Variants in EIF2AK2 observed in about 807,000 individuals in gnomAD.
EIF2AK2 encodes the protein interferon-induced, double-stranded RNA-activated protein kinase.
A neutral mutation model predicts 70.5 loss-of-function variants in EIF2AK2; 40 were observed. That is an observed-to-expected ratio of 0.57 (90% confidence interval 0.44 to 0.74). The LOEUF (loss-of-function observed/expected upper bound fraction) is 0.74, where lower values mean the gene tolerates loss of function less well. Ranked by LOEUF, EIF2AK2 falls within the 30% of genes least tolerant of loss-of-function variation. The pLI, the probability that EIF2AK2 is intolerant of heterozygous loss-of-function variation, is 0.00. For missense variants in EIF2AK2, 555 were observed against 644.3 expected (o/e 0.86, Z 1.50); for synonymous variants, 198 against 220.9 (o/e 0.90, Z 0.92).
intron 4 of EIF2AK2, among the ~76,000 whole-genome samples, chr2:37,143,222 C>CAA (rs34947987): frequency 5.3e-5 from 6 of 112,208 alleles, no homozygotes; most frequent in African/African-American, 2.0e-4. Flanking sequence ...GACTCTGTCT[C>CAA]AAAAAAAAAA....
chr2:37,136,716 T>C (rs1675139216), intron 9 of EIF2AK2: 1 of 242,688 alleles, frequency 4.1e-6, no homozygotes. Context: ...AACAGCCCAA[T>C]TCCTTGCCAG....
chr2:37,155,793 T>G (rs951167034), intron 1 of EIF2AK2, among the ~76,000 whole-genome samples: 1 of 151,840 alleles, frequency 6.6e-6, no homozygotes, highest in Non-Finnish European at 1.5e-5. Context: ...ATAAAAAAAT[T>G]AGTTGGCTGT....
rs201771358 is a variant in EIF2AK2, at chr2:37,122,552, G to C, written c.1021C>G (p.Leu341Val). 1.2e-6 allele frequency: 2 copies of C among 1,613,982 alleles called. No individual in the cohort carries two copies. Reference protein sequence around the residue: ...DYDPETSDDSLESSDYDPENS... With the variant: ...DYDPETSDDSVESSDYDPENS... ...TCAGGATCATAATCACTGCTCTCAA[G>C]AGAATCATCACTGGTCTCAGGATCA... Residue 341 changes from leucine to valine, a missense_variant, in exon 12 of 17, where the codon CTT becomes GTT. Leu to Val is a conservative substitution (Grantham distance 32, BLOSUM62 1). This residue lies in a region of EIF2AK2 where 299 missense variants were observed against 375.4 expected (regional missense o/e 0.80). Transcript: ENST00000233057.
Position 37,107,168 on chromosome 2 carries a change from G to A in EIF2AK2, c.*105C>T, listed in dbSNP as rs1347929328. 9 of 1,319,822 alleles carry A rather than the reference G, an allele frequency of 6.8e-6. No homozygotes were observed. The South Asian group carries it at 1.5e-4, about 22-fold the overall frequency. The allele number at this position is 1,319,822 out of a possible 1,614,324, so 81.8% of individuals were successfully genotyped here. A position where few individuals can be genotyped will look rare whatever the true frequency, so the allele number is the denominator to read the frequency against. On this transcript the variant is annotated 3_prime_UTR_variant, in exon 17 of 17. Coordinates refer to ENST00000233057, the MANE Select transcript of EIF2AK2 (RefSeq NM_001135651.3). ...TAGTAAAAATAGTAAAAAATTAAAG[G>A]AAACATTAAAATAAAAGGTAAATAT...
intron 1 of EIF2AK2, among the ~76,000 whole-genome samples, chr2:37,149,916 C>G (rs571787456): frequency 1.3e-5 from 2 of 151,976 alleles, no homozygotes; most frequent in Admixed American, 6.6e-5. Flanking sequence ...AGTGAACAAT[C>G]GAAAGAACTG....
At chr2:37,143,064 T>C (rs1253996695) in intron 4 of EIF2AK2, among the ~76,000 whole-genome samples, 1 of 151,988 alleles carries the variant, frequency 6.6e-6, no homozygotes, top group Non-Finnish European at 1.5e-5. Context: ...CTGTCTCTAC[T>C]AAAAATATCA....
rs758051607 is a variant in EIF2AK2, at chr2:37,107,387, A to G, written c.1542T>C (p.Leu514=). 8.1e-5 allele frequency: 131 copies of G among 1,613,522 alleles called. No individual in the cohort carries two copies. The highest frequency in any genetic ancestry group is 1.1e-4 in the Non-Finnish European group (124 of 1,179,928). ...GTTTCTTTGAGAGTAATTTCTGTAG[A>G]AGAGTTTTCTGCAATGACAGTGAGA... The part of the protein sequence containing the change: ...SDIFDKKEKT[L]LQKLLSKKPE... Residue 514 remains leucine (L), a synonymous_variant, in exon 17 of 17, where the codon CTT becomes CTC. Transcript: ENST00000233057.
At chr2:37,137,381 G>A (rs959147649) in intron 8 of EIF2AK2, among the ~76,000 whole-genome samples, 9 of 152,224 alleles carry the variant, frequency 5.9e-5, no homozygotes, top group Admixed American at 5.9e-4. Flanking sequence ...CTTTATAACA[G>A]AATACTCTTG....
chr2:37,124,005 T>C (rs1573011910), intron 11 of EIF2AK2, among the ~76,000 whole-genome samples: 1 of 151,570 alleles, frequency 6.6e-6, no homozygotes, highest in South Asian at 2.1e-4. Flanking sequence ...GGTCTCACTC[T>C]GTCACCCAGG....
intron 14 of EIF2AK2, among the ~76,000 whole-genome samples, chr2:37,111,920 A>T (rs1290593283): frequency 4.3e-5 from 4 of 94,062 alleles, no homozygotes; most frequent in Non-Finnish European, 4.4e-5. Context: ...TATCATAATA[A>T]ATCTCTCTCT....
At chr2:37,137,167 C>T (rs1395031119) in intron 8 of EIF2AK2, 150 bp from the exon 9 acceptor site, 2 of 560,796 alleles carry the variant, frequency 3.6e-6, no homozygotes, top group East Asian at 3.2e-5. Flanking sequence ...TGTATCAACA[C>T]TTAGTATTGT....
intron 1 of EIF2AK2, among the ~76,000 whole-genome samples, chr2:37,156,027 A>G (rs1675910548): frequency 6.6e-6 from 1 of 152,022 alleles, no homozygotes; most frequent in Non-Finnish European, 1.5e-5. Flanking sequence ...AAGGGGGAAC[A>G]GCAAGGGCAG....
intron 1 of EIF2AK2, among the ~76,000 whole-genome samples, chr2:37,149,603 C>A (rs1330574115): frequency 1.3e-5 from 2 of 152,032 alleles, no homozygotes; most frequent in Non-Finnish European, 2.9e-5. Flanking sequence ...AGTTTAAATA[C>A]CAGTTTCCTT....
chr2:37,103,432 G>A lies in EIF2AK2; in HGVS notation c.*3841C>T, dbSNP rs1240443689. The A allele has an allele frequency of 6.6e-6, 1 of 152,148 alleles. No homozygotes were observed. The highest frequency in any genetic ancestry group is 2.4e-5 in the African/African-American group (1 of 41,424). 9.4% of individuals were successfully genotyped at this position (152,148 alleles called of 1,614,324 possible). ...GCTGGTCTCGAACCCCTGACCTCAGGTGATCCACCCGTCTCGGCCTCCCAG... is the reference window on the plus strand; with the variant it reads ...GCTGGTCTCGAACCCCTGACCTCAGATGATCCACCCGTCTCGGCCTCCCAG... On this transcript the variant is annotated 3_prime_UTR_variant, in exon 17 of 17. Transcript: ENST00000233057.
chr2:37,099,528 C>G lies in EIF2AK2; in HGVS notation c.*7745G>C, dbSNP rs1161738299. On this transcript the variant is annotated 3_prime_UTR_variant, in exon 17 of 17. Coordinates refer to ENST00000233057, the MANE Select transcript of EIF2AK2 (RefSeq NM_001135651.3). The stretch of plus-strand genomic sequence containing the variant: ...CAATGGGAGTACTAGGGAGAAGATT[C>G]ATTTTGAGTGGGAGATGTTGGAACA... 1.3e-5 allele frequency: 2 copies of G among 152,140 alleles called. No homozygotes were observed. Among genetic ancestry groups the G allele is most frequent in the Non-Finnish European group, 1.5e-5 (1 of 68,020 alleles). 9.4% of individuals were successfully genotyped at this position (152,140 alleles called of 1,614,324 possible). A position where few individuals can be genotyped will look rare whatever the true frequency, so the allele number is the denominator to read the frequency against.
chr2:37,139,560 A>G (rs562635149), intron 6 of EIF2AK2, 71 bp downstream of exon 6: 8 of 1,566,496 alleles, frequency 5.1e-6, no homozygotes, highest in South Asian at 4.8e-5. Flanking sequence ...TAATGTTAAC[A>G]CAGTCTAACC....
In EIF2AK2 at chr2:37,132,236, CGG is replaced by C. The variant is rs372101092; in HGVS notation, c.785+3246_785+3247del. ...CACCAAATACAACAACTACTCACAG[CGG>C]GGGCACAATTCAAACTCCCATACTG... is the stretch of plus-strand genomic sequence containing the variant. On this transcript the variant is annotated intron_variant, in intron 10 of 16. Coordinates refer to ENST00000233057, the MANE Select transcript of EIF2AK2 (RefSeq NM_001135651.3). Among the ~76,000 whole-genome samples, 273 of 152,220 alleles carry C rather than the reference CGG, an allele frequency of 1.8e-3. 1 individual carries two copies. The highest frequency in any genetic ancestry group is 6.5e-3 in the African/African-American group (269 of 41,538).
intron 14 of EIF2AK2, among the ~76,000 whole-genome samples, chr2:37,112,963 G>A (rs1179311994): frequency 5.9e-5 from 9 of 152,050 alleles, no homozygotes; most frequent in Admixed American, 5.9e-4. Flanking sequence ...CTGTCTCTAT[G>A]AATTTTCCTT....
At chr2:37,156,488 A>C (rs948900104) in intron 1 of EIF2AK2, among the ~76,000 whole-genome samples, 1 of 152,064 alleles carries the variant, frequency 6.6e-6, no homozygotes, top group Non-Finnish European at 1.5e-5. Context: ...CACGGAAGAG[A>C]TTTTTAGCCA....
Sources: gnomAD v4.1 joint callset for allele counts (sites outside exome capture counted in the v4.1 genomes callset) on GRCh38, gnomAD v4.1.1 for gene constraint, gnomAD v4.1.1 regional missense constraint, MANE v1.5 for transcripts, NCBI Gene and HGNC (gene_info 2026-07-23, HGNC 2026-07-21) for gene names.